ZNHIT1: variants seen among roughly 807,000 people sequenced by gnomAD.
The protein encoded by ZNHIT1 is zinc finger HIT-type containing 1, also known as zinc finger HIT domain-containing protein 1.
A neutral mutation model predicts 21.4 loss-of-function variants in ZNHIT1; 20 were observed. The observed-to-expected ratio is 0.93, with a 90% CI of 0.66 to 1.36. The LOEUF (loss-of-function observed/expected upper bound fraction) is 1.36. Among genes scored for constraint, ZNHIT1 ranks in the 40% most tolerant of loss-of-function variants. The probability of loss-of-function intolerance (pLI) is 0.00; values close to 1 mark genes in which losing one functional copy is unlikely to be tolerated. For missense variants in ZNHIT1, 170 were observed against 213.5 expected (o/e 0.80, Z 1.27); for synonymous variants, 79 against 84.0 (o/e 0.94, Z 0.32).
rs1584261540 is a variant in ZNHIT1, at chr7:101,223,853, G to A, written c.443+11G>A. 1.9e-6 allele frequency: 3 copies of A among 1,614,046 alleles called. No individual in the cohort carries two copies. The East Asian group carries it at 6.7e-5, about 36-fold the overall frequency. ...CCACCAGGAGACCAGGTGAGCATGA[G>A]ACCTGCTGTCCACTCCCACTCCCTC... On this transcript the variant is annotated intron_variant, in intron 4 of 4. Transcript: ENST00000305105.
intron 1 of ZNHIT1, chr7:101,222,306 G>A (rs1798382094): frequency 5.2e-6 from 2 of 387,172 alleles, no homozygotes. Flanking sequence ...AGGGCGCTGT[G>A]ACCTCCCCAG....
chr7:101,222,004 C>T (rs1562899067), intron 1 of ZNHIT1: 2 of 152,252 alleles, frequency 1.3e-5, no homozygotes, highest in Admixed American at 6.6e-5. Context: ...GCTGTGAAGC[C>T]GAGTAGACAC....
chr7:101,224,053 G>A lies in ZNHIT1; in HGVS notation c.*95G>A. On this transcript the variant is annotated 3_prime_UTR_variant, in exon 5 of 5. Transcript: ENST00000305105. ...CCCAATGCAGGGGGAGCTCTTCCTGGACCAAGGGAGGAGCCGCTCATTCAC... is the reference window on the plus strand; with the variant it reads ...CCCAATGCAGGGGGAGCTCTTCCTGAACCAAGGGAGGAGCCGCTCATTCAC... 1.3e-6 allele frequency: 2 copies of A among 1,572,404 alleles called. No homozygotes were observed. Among genetic ancestry groups the A allele is most frequent in the Non-Finnish European group, 1.7e-6 (2 of 1,147,580 alleles).
At position 101,223,354 on chromosome 7, in the gene ZNHIT1, G is replaced by C. The variant is rs1264116105; in HGVS notation, c.194-123G>C. On this transcript the variant is annotated intron_variant, in intron 2 of 4. Transcript: ENST00000305105. ...ATCGCACCACTGCACTCCAGCCTGG[G>C]TGACAGAGTGAGACTGTCTCAAAAA... 1.4e-5 allele frequency: 15 copies of C among 1,060,236 alleles called. No homozygotes were observed. The Admixed American group carries it at 2.8e-4, about 20-fold the overall frequency. 65.7% of individuals were successfully genotyped at this position (1,060,236 alleles called of 1,614,324 possible).
intron 1 of ZNHIT1, chr7:101,222,398 A>G: frequency 1.9e-6 from 1 of 538,232 alleles, no homozygotes; most frequent in Non-Finnish European, 3.2e-6. Context: ...GGCAGGAGAA[A>G]CTGAAAGGGT....
chr7:101,218,900 G>C (rs963665959), intron 1 of ZNHIT1: 1 of 152,668 alleles, frequency 6.6e-6, no homozygotes, highest in Non-Finnish European at 1.5e-5. Context: ...AGTCTTGAAA[G>C]TCTAGTTAGG....
Sources: allele counts gnomAD v4.1 joint callset, GRCh38; gene constraint gnomAD v4.1.1; transcripts MANE v1.5; gene names NCBI Gene and HGNC (gene_info 2026-07-23, HGNC 2026-07-21).